USP34: variants seen among roughly 807,000 people sequenced by gnomAD.
USP34 encodes the protein ubiquitin carboxyl-terminal hydrolase 34.
USP34 carries 70 observed loss-of-function variants against 460.3 expected under a neutral mutation model. The ratio of observed to expected loss-of-function variants is 0.15; its 90% CI spans 0.13 to 0.19. The LOEUF is 0.19. Among genes scored for constraint, USP34 ranks in the 10% least tolerant of loss-of-function variants. USP34 has a pLI of 1.00. For synonymous variants in USP34, 1,647 were observed against 1,405.3 expected (o/e 1.17, Z -3.85); for missense variants, 3,985 against 4,236.2 (o/e 0.94, Z 1.65).
chr2:61,449,254 TAA>T (rs111308233), intron 1 of USP34, among the ~76,000 whole-genome samples: 93,791 of 143,300 alleles, frequency 0.65, 30,267 homozygotes, highest in African/African-American at 0.72. Flanking sequence ...GACTCCCTCT[TAA>T]AAAAAAAAAA....
intron 5 of USP34, among the ~76,000 whole-genome samples, chr2:61,387,836 T>A (rs948624094): frequency 6.7e-6 from 1 of 149,836 alleles, no homozygotes; most frequent in Non-Finnish European, 1.5e-5. Flanking sequence ...AATATATTTT[T>A]ACGTATACAC....
intron 5 of USP34, among the ~76,000 whole-genome samples, chr2:61,389,725 T>C (rs1444882132): frequency 6.6e-6 from 1 of 152,066 alleles, no homozygotes; most frequent in Non-Finnish European, 1.5e-5. Context: ...AATCCTACAG[T>C]GTGTCCTTTA....
At chr2:61,269,604 A>G (rs1413103019) in intron 41 of USP34, among the ~76,000 whole-genome samples, 1 of 152,120 alleles carries the variant, frequency 6.6e-6, no homozygotes, top group African/African-American at 2.4e-5. Flanking sequence ...AAATTTACAA[A>G]TTTAAAAAAT....
At chr2:61,367,787 A>G (rs1481238267) in intron 10 of USP34, among the ~76,000 whole-genome samples, 2 of 152,102 alleles carry the variant, frequency 1.3e-5, no homozygotes, top group African/African-American at 2.4e-5. Flanking sequence ...ATAATGCAAA[A>G]GAAAAAAGAA....
chr2:61,318,829 G>A (rs1690828413), intron 22 of USP34, among the ~76,000 whole-genome samples: 1 of 152,112 alleles, frequency 6.6e-6, no homozygotes, highest in Non-Finnish European at 1.5e-5. Context: ...ACACTTGTGG[G>A]TGTGGGCACC....
At chr2:61,232,273 G>C (rs1572855561) in intron 58 of USP34, among the ~76,000 whole-genome samples, 179 bp downstream of exon 58, 2 of 152,174 alleles carry the variant, frequency 1.3e-5, no homozygotes. Context: ...ATTAGAGTGA[G>C]AGCTGATGTT....
intron 53 of USP34, 27 bp downstream of exon 53, chr2:61,241,533 T>C (rs368584034): frequency 5.4e-5 from 83 of 1,528,994 alleles, no homozygotes; most frequent in South Asian, 1.4e-4. Flanking sequence ...ATTTTTAAAA[T>C]GTTGCTCAAA....
At chr2:61,264,346 A>T (rs1032897959) in intron 43 of USP34, among the ~76,000 whole-genome samples, 5 of 152,230 alleles carry the variant, frequency 3.3e-5, no homozygotes, top group African/African-American at 1.2e-4. Flanking sequence ...AAAAGATAAC[A>T]TGATGAGGCC....
intron 1 of USP34, among the ~76,000 whole-genome samples, chr2:61,449,349 G>GGAGA (rs1695205446): frequency 6.6e-6 from 1 of 151,852 alleles, no homozygotes; most frequent in African/African-American, 2.4e-5. Context: ...TCATGGATCA[G>GGAGA]GAGACTTAAT....
Position 61,257,187 on chromosome 2 carries a change from A to G in USP34, c.5991+17T>C. 1 of 1,589,624 alleles carries G rather than the reference A, an allele frequency of 6.3e-7. No homozygotes were observed. The highest frequency in any genetic ancestry group is 8.5e-7 in the Non-Finnish European group (1 of 1,172,342). On this transcript the variant is annotated intron_variant, in intron 45 of 79. Transcript: ENST00000398571. ...TGTTCAAATTTCAAAGAAACTTTTC[A>G]GTATTCTGATACTAACCAGTTCGGG... is the stretch of plus-strand genomic sequence containing the variant.
At chr2:61,339,006 C>T (rs1691509832) in intron 18 of USP34, among the ~76,000 whole-genome samples, 1 of 152,128 alleles carries the variant, frequency 6.6e-6, no homozygotes, top group Admixed American at 6.5e-5. Context: ...ACTTATTTAG[C>T]ATCCTTTATG....
chr2:61,359,466 A>C (rs1442340645), intron 10 of USP34, among the ~76,000 whole-genome samples: 2 of 152,218 alleles, frequency 1.3e-5, no homozygotes, highest in African/African-American at 4.8e-5. Context: ...CTTAAAAGAA[A>C]AATCTTTTTT....
intron 1 of USP34, among the ~76,000 whole-genome samples, chr2:61,424,981 G>A (rs1288860229): frequency 2.6e-5 from 4 of 151,972 alleles, no homozygotes; most frequent in Non-Finnish European, 4.4e-5. Flanking sequence ...CACCACGCCC[G>A]GCTAATTTTT....
intron 1 of USP34, among the ~76,000 whole-genome samples, chr2:61,447,855 G>A (rs1330177679): frequency 2.0e-5 from 3 of 152,030 alleles, no homozygotes; most frequent in Non-Finnish European, 4.4e-5. Context: ...AGTTGGGATT[G>A]CAGGTGCGCG....
chr2:61,253,931 C>T (rs1285525773), intron 48 of USP34, among the ~76,000 whole-genome samples: 5 of 152,130 alleles, frequency 3.3e-5, no homozygotes. Context: ...GACAGGGTTT[C>T]ACCATGTTGG....
intron 29 of USP34, among the ~76,000 whole-genome samples, chr2:61,297,855 A>G (rs755646830): frequency 2.6e-5 from 4 of 152,146 alleles, no homozygotes; most frequent in Non-Finnish European, 5.9e-5. Flanking sequence ...CAATTCTCCA[A>G]TGTCAAGGAA....
chr2:61,401,731 T>TG (rs1693727457), intron 3 of USP34, among the ~76,000 whole-genome samples: 1 of 148,720 alleles, frequency 6.7e-6, no homozygotes, highest in African/African-American at 2.5e-5. Flanking sequence ...TTTTTTTTTT[T>TG]GTATTTTTAG....
chr2:61,412,218 AAAAG>A (rs1694061962), intron 2 of USP34, among the ~76,000 whole-genome samples: 1 of 149,978 alleles, frequency 6.7e-6, no homozygotes, highest in Non-Finnish European at 1.5e-5. Context: ...GAAAAGGAAG[AAAAG>A]AAAGAAACAG....
At chr2:61,260,747 A>G (rs999057976) in intron 43 of USP34, among the ~76,000 whole-genome samples, 1 of 152,228 alleles carries the variant, frequency 6.6e-6, no homozygotes, top group Non-Finnish European at 1.5e-5. Context: ...GAAAAAAGTC[A>G]CACAAAATGA....
Sources: allele counts gnomAD v4.1 joint callset (sites outside exome capture counted in the v4.1 genomes callset), GRCh38; gene constraint gnomAD v4.1.1; transcripts MANE v1.5; gene names NCBI Gene and HGNC (gene_info 2026-07-23, HGNC 2026-07-21).